Variants in GNA14 observed in about 807,000 individuals in gnomAD.
GNA14 encodes the protein G protein subunit alpha 14.
GNA14 carries 50 observed loss-of-function variants against 42.0 expected under a neutral mutation model. That is an observed-to-expected ratio of 1.19 (90% confidence interval 0.95 to 1.51). The LOEUF (loss-of-function observed/expected upper bound fraction) is 1.51, where lower values mean the gene tolerates loss of function less well. Among genes scored for constraint, GNA14 ranks in the 40% most tolerant of loss-of-function variants. The pLI is 0.00. For synonymous variants in GNA14, 173 were observed against 163.1 expected, an observed-to-expected ratio of 1.06 and a Z score of -0.46; for missense variants, 473 against 446.2, an observed-to-expected ratio of 1.06 and a Z score of -0.54.
chr9:77,630,112 GTTTTTT>G (rs138576637), intron 1 of GNA14, among the ~76,000 whole-genome samples: 1 of 139,740 alleles, frequency 7.2e-6, no homozygotes, highest in African/African-American at 2.5e-5. Context: ...TTTGTTTTTT[GTTTTTT>G]TTTTTTTTGA....
chr9:77,426,303 CT>C (rs569467315), intron 5 of GNA14, among the ~76,000 whole-genome samples: 43 of 145,276 alleles, frequency 3.0e-4, no homozygotes, highest in South Asian at 6.6e-4. Context: ...TTGTTCAGAA[CT>C]TTTTTTTTTT....
chr9:77,595,936 G>T (rs932525217), intron 1 of GNA14, among the ~76,000 whole-genome samples: 1 of 151,892 alleles, frequency 6.6e-6, no homozygotes, highest in Non-Finnish European at 1.5e-5. Flanking sequence ...CCAAGCACAG[G>T]GCTACATTTG....
At chr9:77,557,381 A>C (rs116111711) in intron 1 of GNA14, among the ~76,000 whole-genome samples, 1 of 152,180 alleles carries the variant, frequency 6.6e-6, no homozygotes, top group Non-Finnish European at 1.5e-5. Flanking sequence ...TGGGAAAGTA[A>C]CCAGAATGCA....
intron 2 of GNA14, among the ~76,000 whole-genome samples, chr9:77,478,277 G>A (rs1006411391): frequency 4.0e-5 from 6 of 151,516 alleles, no homozygotes; most frequent in African/African-American, 1.2e-4. Context: ...AACATGCGGT[G>A]TTTGGTTTTT....
chr9:77,577,258 A>G (rs2131799551), intron 1 of GNA14, among the ~76,000 whole-genome samples: 1 of 152,326 alleles, frequency 6.6e-6, no homozygotes. Flanking sequence ...CTTTGGGGGA[A>G]AGGAGAGTAA....
intron 6 of GNA14, 79 bp downstream of exon 6, chr9:77,425,483 G>A (rs1226592736): frequency 2.6e-5 from 28 of 1,061,010 alleles, no homozygotes; most frequent in Non-Finnish European, 3.8e-5. Context: ...GCCCCTTTGA[G>A]CCGTGATAAC....
intron 2 of GNA14, among the ~76,000 whole-genome samples, chr9:77,476,988 G>T (rs1267245667): frequency 1.3e-5 from 2 of 152,180 alleles, no homozygotes; most frequent in African/African-American, 4.8e-5. Context: ...CACCTTGTCA[G>T]GATTCTGTAA....
chr9:77,646,301 G>A (rs969229017), intron 1 of GNA14, among the ~76,000 whole-genome samples: 1 of 152,194 alleles, frequency 6.6e-6, no homozygotes, highest in Non-Finnish European at 1.5e-5. Context: ...TAGGGCTCAG[G>A]CCTTAGAAGC....
chr9:77,586,554 T>C (rs2117874186), intron 1 of GNA14, among the ~76,000 whole-genome samples: 1 of 152,230 alleles, frequency 6.6e-6, no homozygotes, highest in East Asian at 1.9e-4. Flanking sequence ...AGAAGTAAGT[T>C]TAAGAGCAGA....
At chr9:77,644,188 G>A (rs780929894) in intron 1 of GNA14, among the ~76,000 whole-genome samples, 3 of 152,096 alleles carry the variant, frequency 2.0e-5, no homozygotes, top group Non-Finnish European at 4.4e-5. Context: ...GAAGTGGCAC[G>A]ACACAGTGGC....
chr9:77,490,430 A>G (rs1836748856), intron 2 of GNA14, among the ~76,000 whole-genome samples: 1 of 152,246 alleles, frequency 6.6e-6, no homozygotes, highest in Admixed American at 6.5e-5. Context: ...ACCATGGAGC[A>G]GGGGGCAGCA....
chr9:77,481,261 T>C (rs1006902814), intron 2 of GNA14, among the ~76,000 whole-genome samples: 3 of 152,338 alleles, frequency 2.0e-5, no homozygotes, highest in East Asian at 1.9e-4. Context: ...TTTGTTCTCA[T>C]TGGTTTCAAA....
chr9:77,530,198 A>G (rs1203137005), intron 1 of GNA14, among the ~76,000 whole-genome samples: 4 of 152,130 alleles, frequency 2.6e-5, no homozygotes, highest in Non-Finnish European at 5.9e-5. Context: ...AGATGACTCG[A>G]TCATGGGGGT....
At chr9:77,640,442 G>A (rs932302776) in intron 1 of GNA14, among the ~76,000 whole-genome samples, 3 of 152,060 alleles carry the variant, frequency 2.0e-5, no homozygotes, top group Non-Finnish European at 4.4e-5. Context: ...TGTGGTTTAA[G>A]TATCATGGGA....
chr9:77,634,423 A>G (rs1460873514), intron 1 of GNA14, among the ~76,000 whole-genome samples: 1 of 151,040 alleles, frequency 6.6e-6, no homozygotes, highest in East Asian at 1.9e-4. Flanking sequence ...AAAAGAAAAA[A>G]AAAAAAAAAA....
intron 1 of GNA14, among the ~76,000 whole-genome samples, chr9:77,534,661 T>C (rs1788263654): frequency 6.6e-6 from 1 of 152,226 alleles, no homozygotes; most frequent in Non-Finnish European, 1.5e-5. Flanking sequence ...CAGTTCTGGA[T>C]GTTGCTCATG....
Position 77,445,653 on chromosome 9 carries a change from G to A in GNA14, c.310-11131C>T, listed in dbSNP as rs571587692. 5.9e-5 allele frequency among the ~76,000 whole-genome samples: 9 copies of A among 152,140 alleles called. No individual in the cohort carries two copies. In the South Asian group the frequency reaches 1.9e-3, roughly 32 times the overall value. The stretch of plus-strand genomic sequence containing the variant: ...AGCTACTTGGCGACTGAGGCAGAAG[G>A]ATCACTTGAACCTAGGAGTCGGAGG... On this transcript the variant is annotated intron_variant, in intron 2 of 6. Coordinates refer to ENST00000341700, the MANE Select transcript of GNA14 (RefSeq NM_004297.4).
intron 2 of GNA14, among the ~76,000 whole-genome samples, chr9:77,452,979 T>C (rs1277155324): frequency 6.6e-6 from 1 of 151,550 alleles, no homozygotes; most frequent in East Asian, 2.0e-4. Flanking sequence ...TAAAAACAAA[T>C]AAACAAACAA....
chr9:77,504,536 T>TA (rs35482980), intron 2 of GNA14, among the ~76,000 whole-genome samples: 104 of 120,408 alleles, frequency 8.6e-4, no homozygotes, highest in East Asian at 4.9e-3. Context: ...TCCCTTTCTT[T>TA]AAAAAAAAAA....
Sources: allele counts gnomAD v4.1 joint callset (sites outside exome capture counted in the v4.1 genomes callset), GRCh38; gene constraint gnomAD v4.1.1; transcripts MANE v1.5; gene names NCBI Gene and HGNC (gene_info 2026-07-23, HGNC 2026-07-21).